Variants in IFNLR1 observed in about 807,000 individuals in gnomAD.
IFNLR1 encodes the protein CRF2-12.
IFNLR1 carries 28 observed loss-of-function variants against 52.5 expected under a neutral mutation model. That is an observed-to-expected ratio of 0.53 (90% CI 0.40 to 0.73). The LOEUF (loss-of-function observed/expected upper bound fraction) is 0.73, where lower values mean the gene tolerates loss of function less well. Among genes scored for constraint, IFNLR1 ranks in the 30% least tolerant of loss-of-function variants. The pLI, the probability that IFNLR1 is intolerant of heterozygous loss-of-function variation, is 0.00. For missense variants in IFNLR1, 623 were observed against 659.1 expected, an observed-to-expected ratio of 0.95 and a Z score of 0.60; for synonymous variants, 276 against 274.9, an observed-to-expected ratio of 1.00 and a Z score of -0.04.
Position 24,157,124 on chromosome 1 carries a change from G to C in IFNLR1, c.*6C>G. The C allele has an allele frequency of 1.3e-6, 2 of 1,599,426 alleles. No homozygotes were observed. Among genetic ancestry groups the C allele is most frequent in the Non-Finnish European group, 1.7e-6 (2 of 1,173,734 alleles). Reference sequence around the variant, plus strand: ...CATCAGATTCGGTGGGATGTCGGGGGACAGCTCACCTGGCCATGTAATGCC... The same window carrying C: ...CATCAGATTCGGTGGGATGTCGGGGCACAGCTCACCTGGCCATGTAATGCC... On this transcript the variant is annotated 3_prime_UTR_variant, in exon 7 of 7. Transcript: ENST00000327535. The surrounding 1 kb of genome is among the most constrained non-coding windows in gnomAD (Gnocchi z 5.1).
chr1:24,180,922 T>C lies in IFNLR1; in HGVS notation c.59-68A>G, dbSNP rs576094107. The C allele has an allele frequency of 1.4e-4, 224 of 1,548,270 alleles. 2 individuals carry two copies. In the South Asian group the frequency reaches 2.5e-3, roughly 17 times the overall value. ...GGTCTTGACTCAGGCCATCCCAAGC[T>C]GAGGGGCAGCACGAAGGGCAAGCAG... On this transcript the variant is annotated intron_variant, in intron 1 of 6. Transcript: ENST00000327535.
At chr1:24,182,857 T>C (rs542758625) in intron 1 of IFNLR1, among the ~76,000 whole-genome samples, 186 of 151,948 alleles carry the variant, frequency 1.2e-3, no homozygotes, top group Non-Finnish European at 2.3e-3. Context: ...GAGGTGGAGG[T>C]TGCAGTGAGC....
Sources: gnomAD v4.1 joint callset for allele counts (sites outside exome capture counted in the v4.1 genomes callset) on GRCh38, gnomAD v4.1.1 for gene constraint, Gnocchi (gnomAD v3.1) non-coding constraint, MANE v1.5 for transcripts, NCBI Gene and HGNC (gene_info 2026-07-23, HGNC 2026-07-21) for gene names.